ENAH: variants seen among roughly 807,000 people sequenced by gnomAD.
The protein encoded by ENAH is protein enabled homolog.
Under a neutral mutation model 78.7 loss-of-function variants are expected in ENAH, and 23 were observed. The ratio of observed to expected loss-of-function variants is 0.29; its 90% confidence interval spans 0.21 to 0.41. ENAH has a LOEUF of 0.41. Among genes scored for constraint, ENAH ranks in the 10% least tolerant of loss-of-function variants. The pLI is 1.00. For missense variants in ENAH, 544 were observed against 691.0 expected, an observed-to-expected ratio of 0.79 and a Z score of 2.39; for synonymous variants, 226 against 241.0, an observed-to-expected ratio of 0.94 and a Z score of 0.58.
At position 225,487,514 on chromosome 1, in the gene ENAH, G is replaced by A. The variant is rs937755302; in HGVS notation, c.*10261C>T. 6 of 152,178 alleles carry A rather than the reference G, an allele frequency of 3.9e-5. No homozygotes were observed. The highest frequency in any genetic ancestry group is 1.4e-4 in the African/African-American group (6 of 41,438). The allele number at this position is 152,178 out of a possible 1,614,324, so 9.4% of individuals were successfully genotyped here. A position where few individuals can be genotyped will look rare whatever the true frequency, so the allele number is the denominator to read the frequency against. On this transcript the variant is annotated 3_prime_UTR_variant, in exon 14 of 14. Transcript: ENST00000366843. Reference sequence around the variant, plus strand: ...ACCAGTTTCCCTTACCCTTGAATTCGGCAAGGCCCATTAATTCACAAATTC... The same window carrying A: ...ACCAGTTTCCCTTACCCTTGAATTCAGCAAGGCCCATTAATTCACAAATTC...
intron 1 of ENAH, among the ~76,000 whole-genome samples, chr1:225,637,604 T>C (rs1660293982): frequency 6.6e-6 from 1 of 152,190 alleles, no homozygotes; most frequent in Non-Finnish European, 1.5e-5. Context: ...GAGAACTTAG[T>C]TCTAAGTAAT....
chr1:225,531,685 C>T (rs1405707195), intron 3 of ENAH, among the ~76,000 whole-genome samples: 3 of 151,994 alleles, frequency 2.0e-5, no homozygotes, highest in Non-Finnish European at 4.4e-5. Flanking sequence ...AAATAAGTTA[C>T]GAAATAAATG....
intron 1 of ENAH, among the ~76,000 whole-genome samples, chr1:225,608,220 G>GAAAAAAA (rs60998592): frequency 2.2e-5 from 2 of 91,288 alleles, no homozygotes; most frequent in Non-Finnish European, 2.2e-5. Flanking sequence ...ATAAAAAACA[G>GAAAAAAA]AAAAAAAAAA....
At chr1:225,572,625 G>A (rs2096768969) in intron 1 of ENAH, among the ~76,000 whole-genome samples, 1 of 152,158 alleles carries the variant, frequency 6.6e-6, no homozygotes, top group African/African-American at 2.4e-5. Context: ...CATGGACACT[G>A]GTGAACAAAT....
chr1:225,599,723 G>A (rs962257461), intron 1 of ENAH, among the ~76,000 whole-genome samples: 4 of 150,704 alleles, frequency 2.7e-5, no homozygotes, highest in African/African-American at 7.4e-5. Context: ...TTGAACCCCG[G>A]AGGCAGAGGT....
intron 7 of ENAH, among the ~76,000 whole-genome samples, 163 bp from the exon 8 acceptor site, chr1:225,513,179 A>G (rs1189568582): frequency 3.3e-5 from 5 of 152,240 alleles, no homozygotes; most frequent in Admixed American, 1.3e-4. Context: ...ATGACTTTAT[A>G]TATCAACAAG....
chr1:225,514,730 G>C lies in ENAH; in HGVS notation c.1084C>G (p.Pro362Ala), dbSNP rs770550247. The part of the protein sequence containing the change: ...PPPPLPNQVP[P>A]PPPPPPAPPL... The stretch of plus-strand genomic sequence containing the variant: ...GGGGCAGGAGGTGGTGGAGGAGGAG[G>C]GGGTACTTGATTAGGGAGAGGAGGG... Residue 362 changes from proline to alanine, a missense_variant, in exon 7 of 14, where the codon CCT becomes GCT. Physicochemically the swap from Pro to Ala is conservative, Grantham distance 27. This residue lies in a region of ENAH where 366 missense variants were observed against 396.1 expected (regional missense o/e 0.92). Coordinates refer to ENST00000366843, the MANE Select transcript of ENAH (RefSeq NM_018212.6). 2.6e-6 allele frequency: 4 copies of C among 1,524,456 alleles called. No individual in the cohort carries two copies. The highest frequency in any genetic ancestry group is 2.3e-5 in the South Asian group (2 of 87,786). 94.4% of individuals were successfully genotyped at this position (1,524,456 alleles called of 1,614,324 possible). A position where few individuals can be genotyped will look rare whatever the true frequency, so the allele number is the denominator to read the frequency against.
chr1:225,653,783 C>A (rs1164199791), upstream of ENAH, among the ~76,000 whole-genome samples: 1 of 152,240 alleles, frequency 6.6e-6, no homozygotes, highest in African/African-American at 2.4e-5. This position sits in a 1 kb window ranked among gnomAD's most constrained non-coding sequence, Gnocchi z 4.3. Context: ...GCCCTCGCCG[C>A]GGCTGCGCCC....
chr1:225,545,458 T>C (rs1007270387), intron 3 of ENAH, among the ~76,000 whole-genome samples: 3 of 152,218 alleles, frequency 2.0e-5, no homozygotes, highest in Non-Finnish European at 4.4e-5. Context: ...ACTAAATAAC[T>C]AAATTACATG....
chr1:225,547,133 G>A (rs1008947386), intron 3 of ENAH, among the ~76,000 whole-genome samples: 4 of 151,534 alleles, frequency 2.6e-5, no homozygotes, highest in African/African-American at 9.7e-5. Flanking sequence ...GTGCAGTGGT[G>A]CAATCTCGGC....
intron 5 of ENAH, chr1:225,517,828 G>A (rs2096433849): frequency 1.3e-6 from 2 of 1,551,346 alleles, no homozygotes; most frequent in African/African-American, 2.7e-5. Flanking sequence ...TGTAGGGGGT[G>A]TGGAAGTAGG....
intron 1 of ENAH, among the ~76,000 whole-genome samples, chr1:225,628,378 A>G (rs1440864307): frequency 1.3e-5 from 2 of 152,268 alleles, no homozygotes; most frequent in East Asian, 1.9e-4. Context: ...TTAGGAGGGG[A>G]AAAAAACCTT....
chr1:225,630,255 T>C (rs1658758901), intron 1 of ENAH, among the ~76,000 whole-genome samples: 2 of 151,880 alleles, frequency 1.3e-5, no homozygotes, highest in Non-Finnish European at 2.9e-5. Flanking sequence ...TTTAAATCAA[T>C]GCTCTTAACC....
At chr1:225,502,460 T>C (rs896518523) in intron 11 of ENAH, among the ~76,000 whole-genome samples, 8 of 152,152 alleles carry the variant, frequency 5.3e-5, no homozygotes, top group Non-Finnish European at 1.2e-4. Context: ...TTTGCCCACT[T>C]CAGCCTCCCA....
intron 1 of ENAH, among the ~76,000 whole-genome samples, chr1:225,629,110 T>C (rs931409524): frequency 2.6e-5 from 4 of 151,514 alleles, no homozygotes; most frequent in African/African-American, 9.7e-5. Flanking sequence ...AAACCCCATC[T>C]CTACTAAGAA....
chr1:225,634,452 T>TA (rs1023782879), intron 1 of ENAH, among the ~76,000 whole-genome samples: 2 of 152,164 alleles, frequency 1.3e-5, no homozygotes, highest in Non-Finnish European at 2.9e-5. Context: ...GGTTAAGGTG[T>TA]GTACTACTGG....
intron 1 of ENAH, among the ~76,000 whole-genome samples, chr1:225,594,146 C>T (rs185868352): frequency 8.5e-5 from 13 of 152,176 alleles, no homozygotes; most frequent in Non-Finnish European, 1.9e-4. Flanking sequence ...CTCTGGAACA[C>T]TGCTAGATTC....
chr1:225,629,856 T>C (rs1178857392), intron 1 of ENAH, among the ~76,000 whole-genome samples: 1 of 152,158 alleles, frequency 6.6e-6, no homozygotes, highest in Non-Finnish European at 1.5e-5. Flanking sequence ...ATTTAGAGAA[T>C]ACTAAGTGGA....
intron 3 of ENAH, among the ~76,000 whole-genome samples, chr1:225,554,629 C>T (rs1450801102): frequency 6.6e-6 from 1 of 152,206 alleles, no homozygotes; most frequent in South Asian, 2.1e-4. Flanking sequence ...GGATGAAACC[C>T]ATCTAAATAC....
Sources: allele counts gnomAD v4.1 joint callset (sites outside exome capture counted in the v4.1 genomes callset), GRCh38; gene constraint gnomAD v4.1.1; regional missense constraint gnomAD v4.1.1; non-coding constraint Gnocchi (gnomAD v3.1); transcripts MANE v1.5; gene names NCBI Gene and HGNC (gene_info 2026-07-23, HGNC 2026-07-21).